Variants in CAMTA1 observed in about 807,000 individuals in gnomAD.
CAMTA1 encodes the protein calmodulin-binding transcription activator 1.
CAMTA1 carries 27 observed loss-of-function variants against 170.9 expected under a neutral mutation model. The ratio of observed to expected loss-of-function variants is 0.16; its 90% CI spans 0.12 to 0.22. The LOEUF (loss-of-function observed/expected upper bound fraction) is 0.22, where lower values mean the gene tolerates loss of function less well. Among genes scored for constraint, CAMTA1 ranks in the 10% least tolerant of loss-of-function variants. The pLI, the probability that CAMTA1 is intolerant of heterozygous loss-of-function variation, is 1.00. For synonymous variants in CAMTA1, 833 were observed against 891.5 expected (o/e 0.93, Z 1.17); for missense variants, 1,619 against 2,217.2 (o/e 0.73, Z 5.42).
chr1:7,397,848 A>T (rs192372201), intron 5 of CAMTA1, among the ~76,000 whole-genome samples: 64 of 152,052 alleles, frequency 4.2e-4, no homozygotes, highest in Middle Eastern at 3.4e-3. Flanking sequence ...AAGATACATG[A>T]TATTATTTTT....
chr1:7,044,521 A>G lies in CAMTA1; in HGVS notation c.235-46783A>G, dbSNP rs1360990406. Among the ~76,000 whole-genome samples, 1 of 152,166 alleles carries G rather than the reference A, an allele frequency of 6.6e-6. No individual in the cohort carries two copies. The highest frequency in any genetic ancestry group is 1.5e-5 in the Non-Finnish European group (1 of 68,016). On this transcript the variant is annotated intron_variant, in intron 3 of 22. Transcript: ENST00000303635. The surrounding 1 kb of genome is among the most constrained non-coding windows in gnomAD (Gnocchi z 5.0). ...AACACCAGGCCTTCAGCAGGGCCAT[A>G]AGCATCTGAGGCTAGGAAGGCACAT... is the stretch of plus-strand genomic sequence containing the variant.
At chr1:7,257,083 G>GGGGC (rs1553291606) in intron 5 of CAMTA1, among the ~76,000 whole-genome samples, 1 of 140,548 alleles carries the variant, frequency 7.1e-6, no homozygotes, top group Non-Finnish European at 1.5e-5. Flanking sequence ...TGGCGGGGGC[G>GGGGC]GGGGTTGGTT....
Position 6,902,466 on chromosome 1 carries a change from C to T in CAMTA1, c.234+77256C>T, listed in dbSNP as rs74714982. Reference sequence around the variant, plus strand: ...GAAGCCAGACTCAAAAGGCCTGATTCTGTTTATGTGACCTTCTGGAAAAGC... The same window carrying T: ...GAAGCCAGACTCAAAAGGCCTGATTTTGTTTATGTGACCTTCTGGAAAAGC... On this transcript the variant is annotated intron_variant, in intron 3 of 22. Coordinates refer to ENST00000303635, the MANE Select transcript of CAMTA1 (RefSeq NM_015215.4). Among the ~76,000 whole-genome samples, 555 of 152,278 alleles carry T rather than the reference C, an allele frequency of 3.6e-3. 5 individuals carry two copies. Among genetic ancestry groups the T allele is most frequent in the African/African-American group, 0.012 (514 of 41,550 alleles).
At chr1:7,643,587 G>A (rs550073175) in intron 7 of CAMTA1, among the ~76,000 whole-genome samples, 63 of 152,342 alleles carry the variant, frequency 4.1e-4, no homozygotes, top group Non-Finnish European at 7.9e-4. Flanking sequence ...ACTCCAGGGG[G>A]TGGAAACCAG....
chr1:7,668,429 A>ACACACACC (rs1553241707), intron 9 of CAMTA1, among the ~76,000 whole-genome samples: 1 of 126,598 alleles, frequency 7.9e-6, no homozygotes, highest in Non-Finnish European at 1.6e-5. Context: ...ACACACACAC[A>ACACACACC]CACCCACCAC....
chr1:7,644,019 G>A (rs538052739), intron 7 of CAMTA1, among the ~76,000 whole-genome samples: 7 of 152,310 alleles, frequency 4.6e-5, no homozygotes, highest in African/African-American at 7.2e-5. Context: ...CACATAAATC[G>A]CGTGCCTTCG....
chr1:7,664,122 C>T lies in CAMTA1; in HGVS notation c.1575C>T (p.Thr525=), dbSNP rs1478049959. The change falls in exon 9 of 23, where the codon ACC becomes ACT. Residue 525 remains threonine, a synonymous_variant. Transcript: ENST00000303635. ...CCGGGGAGCGGAGCTTCAGCTTTACCACCGTCCTCACCAAGGAGATCAAGA... is the reference window on the plus strand; with the variant it reads ...CCGGGGAGCGGAGCTTCAGCTTTACTACCGTCCTCACCAAGGAGATCAAGA... ...SPPGERSFSF[T]TVLTKEIKTE... is the part of the protein sequence containing the mutation. The T allele has an allele frequency of 6.2e-7, 1 of 1,613,274 alleles. No homozygotes were observed. Among genetic ancestry groups the T allele is most frequent in the Non-Finnish European group, 8.5e-7 (1 of 1,180,048 alleles).
intron 5 of CAMTA1, among the ~76,000 whole-genome samples, chr1:7,372,614 C>T (rs1040195687): frequency 5.9e-5 from 9 of 152,184 alleles, no homozygotes; most frequent in South Asian, 2.1e-4. Context: ...ACTTCATCAC[C>T]GTCAGTGTTA....
chr1:7,221,153 A>C (rs952369372), intron 4 of CAMTA1, among the ~76,000 whole-genome samples: 1 of 151,860 alleles, frequency 6.6e-6, no homozygotes, highest in Admixed American at 6.5e-5. Context: ...GGGTTCTATG[A>C]GAGGACCTTA....
At chr1:6,795,033 T>C (rs964915295) in intron 1 of CAMTA1, among the ~76,000 whole-genome samples, 3 of 152,150 alleles carry the variant, frequency 2.0e-5, no homozygotes, top group African/African-American at 7.2e-5. Context: ...TCATTTTCAG[T>C]GGAGGACTGC....
intron 5 of CAMTA1, among the ~76,000 whole-genome samples, chr1:7,413,043 T>G (rs2149269743): frequency 1.3e-5 from 2 of 150,646 alleles, no homozygotes; most frequent in South Asian, 4.2e-4. Flanking sequence ...TTTTCTCAGG[T>G]TTGTCAAAGA....
At chr1:7,337,618 G>A (rs912561234) in intron 5 of CAMTA1, among the ~76,000 whole-genome samples, 1 of 151,924 alleles carries the variant, frequency 6.6e-6, no homozygotes, top group African/African-American at 2.4e-5. Context: ...CAATCACAAT[G>A]TGGGCGGTGG....
rs138286888 is a variant in CAMTA1 at position 7,408,236 on chromosome 1, C to T, written c.439-59594C>T. 2.7e-3 allele frequency among the ~76,000 whole-genome samples: 413 copies of T among 152,306 alleles called. 2 individuals are homozygous for T. The highest frequency in any genetic ancestry group is 9.4e-3 in the African/African-American group (392 of 41,562). On this transcript the variant is annotated intron_variant, in intron 5 of 22. Transcript: ENST00000303635. The stretch of plus-strand genomic sequence containing the variant: ...GCAAGCCTGGCGATGGCGGGGCAGA[C>T]AGAGACTCCTGAGAATAGGGACCAA...
intron 3 of CAMTA1, among the ~76,000 whole-genome samples, chr1:6,889,427 T>C (rs1157685975): frequency 6.6e-6 from 1 of 152,186 alleles, no homozygotes; most frequent in Non-Finnish European, 1.5e-5. Flanking sequence ...ATTCAAGAAA[T>C]GCAAGGTCGA....
chr1:7,230,795 T>C (rs182092562), intron 4 of CAMTA1, among the ~76,000 whole-genome samples: 2 of 151,474 alleles, frequency 1.3e-5, no homozygotes, highest in African/African-American at 2.4e-5. Flanking sequence ...GCCACGCCAG[T>C]TGGGGAGATG....
At chr1:6,847,637 C>T (rs1658742585) in intron 3 of CAMTA1, among the ~76,000 whole-genome samples, 2 of 151,246 alleles carry the variant, frequency 1.3e-5, no homozygotes, top group Admixed American at 6.6e-5. Context: ...CTCCTGGGTT[C>T]AAGCAATTCT....
chr1:6,985,228 C>T (rs1200145446), intron 3 of CAMTA1, among the ~76,000 whole-genome samples: 2 of 152,320 alleles, frequency 1.3e-5, no homozygotes, highest in East Asian at 1.9e-4. Context: ...GCTGTAGCTA[C>T]GGGGGCCCCT....
chr1:6,801,184 A>G (rs1036851435), intron 1 of CAMTA1, among the ~76,000 whole-genome samples: 4 of 152,254 alleles, frequency 2.6e-5, no homozygotes, highest in Non-Finnish European at 5.9e-5. Context: ...CTGGGAGGGA[A>G]GGAACATCAG....
chr1:7,708,879 G>A (rs1312860691), intron 11 of CAMTA1, among the ~76,000 whole-genome samples: 1 of 152,196 alleles, frequency 6.6e-6, no homozygotes, highest in Non-Finnish European at 1.5e-5. Flanking sequence ...GATAAGTCAT[G>A]TAAATAAATT....
Sources: allele counts gnomAD v4.1 joint callset (sites outside exome capture counted in the v4.1 genomes callset), GRCh38; gene constraint gnomAD v4.1.1; non-coding constraint Gnocchi (gnomAD v3.1); transcripts MANE v1.5; gene names NCBI Gene and HGNC (gene_info 2026-07-23, HGNC 2026-07-21).